The following ICA1L variants were observed in gnomAD, a reference collection of about 807,000 sequenced individuals.
ICA1L encodes the protein islet cell autoantigen 1 like.
Under a neutral mutation model 61.3 loss-of-function variants are expected in ICA1L, and 50 were observed. That is an observed-to-expected ratio of 0.82 (90% CI 0.65 to 1.03). The LOEUF is 1.03. ICA1L is among the 50% of genes least tolerant of loss of function. The pLI, the probability that ICA1L is intolerant of heterozygous loss-of-function variation, is 0.00. For synonymous variants in ICA1L, 161 were observed against 191.3 expected (o/e 0.84, Z 1.31); for missense variants, 508 against 556.7 (o/e 0.91, Z 0.88).
At chr2:202,860,526 G>A (rs1694882321) in intron 1 of ICA1L, among the ~76,000 whole-genome samples, 1 of 152,046 alleles carries the variant, frequency 6.6e-6, no homozygotes, top group Non-Finnish European at 1.5e-5. Context: ...GGCCGAGGCA[G>A]GCAGATCATG....
chr2:202,836,796 T>TATATATATAG (rs1470084697), intron 1 of ICA1L, among the ~76,000 whole-genome samples: 4 of 148,262 alleles, frequency 2.7e-5, no homozygotes, highest in African/African-American at 7.3e-5. Context: ...TGTGTATATC[T>TATATATATAG]ATATATATAG....
rs755984364 is a variant in ICA1L at position 202,821,424 on chromosome 2, T to G, written c.293A>C (p.Asp98Ala). ...GLFLKFQAER[D>A]ATQAGKMMDA... Reference sequence around the variant, plus strand: ...CATCATTTTGCCAGCTTGAGTTGCATCCCGTTCTGCTTGAAATTTTAAAAA... The same window carrying G: ...CATCATTTTGCCAGCTTGAGTTGCAGCCCGTTCTGCTTGAAATTTTAAAAA... The change falls in exon 4 of 13, where the codon GAT becomes GCT. Residue 98 changes from aspartate to alanine, a missense_variant. Physicochemically the swap from Asp to Ala is moderately radical, Grantham distance 126. Transcript: ENST00000358299. 3 of 1,613,464 alleles carry G rather than the reference T, an allele frequency of 1.9e-6. No homozygotes were observed. The highest frequency in any genetic ancestry group is 2.5e-6 in the Non-Finnish European group (3 of 1,179,734).
At chr2:202,868,407 A>G (rs531972590) in intron 1 of ICA1L, among the ~76,000 whole-genome samples, 1 of 152,348 alleles carries the variant, frequency 6.6e-6, no homozygotes, top group Admixed American at 6.5e-5. Context: ...TTGGAAAATG[A>G]TTAGCAGTTT....
chr2:202,816,741 T>C (rs1559136738), intron 6 of ICA1L, among the ~76,000 whole-genome samples: 1 of 152,228 alleles, frequency 6.6e-6, no homozygotes, highest in Non-Finnish European at 1.5e-5. Flanking sequence ...CTGTAGTTTA[T>C]TACTCTTTTC....
At chr2:202,793,428 G>A (rs150963625) in intron 10 of ICA1L, among the ~76,000 whole-genome samples, 2,062 of 148,176 alleles carry the variant, frequency 0.014, 36 homozygotes, top group African/African-American at 0.036. Context: ...AAGCTGAGGC[G>A]GGCGGATCAT....
intron 1 of ICA1L, among the ~76,000 whole-genome samples, chr2:202,847,695 T>TTTTATATATATATATATATA (rs1205116973): frequency 2.0e-5 from 2 of 102,228 alleles, no homozygotes; most frequent in African/African-American, 8.6e-5. Context: ...TATATGGGAA[T>TTTTATATATATATATATATA]TATATATATA....
chr2:202,844,664 C>A (rs1397162143), intron 1 of ICA1L: 1 of 152,194 alleles, frequency 6.6e-6, no homozygotes, highest in Non-Finnish European at 1.5e-5. Context: ...ACAAGCCACT[C>A]CTCCTCTAGA....
intron 1 of ICA1L, among the ~76,000 whole-genome samples, chr2:202,858,080 G>C (rs1158699028): frequency 1.3e-5 from 2 of 152,182 alleles, no homozygotes; most frequent in Admixed American, 1.3e-4. Context: ...CAAGGATCTA[G>C]AACCAGAAAT....
chr2:202,840,979 C>G (rs773304048), intron 1 of ICA1L: 4 of 681,252 alleles, frequency 5.9e-6, no homozygotes, highest in Non-Finnish European at 1.1e-5. Context: ...GCCATCTCCT[C>G]ATACTGCGCC....
intron 9 of ICA1L, among the ~76,000 whole-genome samples, chr2:202,798,315 A>G (rs1340188495): frequency 2.0e-5 from 3 of 151,922 alleles, no homozygotes; most frequent in African/African-American, 7.3e-5. Context: ...ACAGCCTCCA[A>G]CTCCCAGGCT....
intron 1 of ICA1L, among the ~76,000 whole-genome samples, chr2:202,866,615 T>C (rs543899126): frequency 6.6e-6 from 1 of 152,232 alleles, no homozygotes; most frequent in East Asian, 1.9e-4. Context: ...CAAAGAGTAA[T>C]TCAAAATGTG....
At chr2:202,786,942 A>G (rs539398760) in intron 11 of ICA1L, among the ~76,000 whole-genome samples, 1 of 152,354 alleles carries the variant, frequency 6.6e-6, no homozygotes, top group East Asian at 1.9e-4. Flanking sequence ...AAGGCACAGC[A>G]CTAGAAAGGA....
intron 1 of ICA1L, among the ~76,000 whole-genome samples, chr2:202,855,945 G>C (rs1694756454): frequency 6.6e-6 from 1 of 151,996 alleles, no homozygotes; most frequent in South Asian, 2.1e-4. Context: ...GTGGTGGCGG[G>C]TGACTGGAAC....
At chr2:202,827,443 CTTGA>C (rs897422417) in intron 2 of ICA1L, among the ~76,000 whole-genome samples, 12 of 151,782 alleles carry the variant, frequency 7.9e-5, no homozygotes, top group African/African-American at 2.9e-4. Flanking sequence ...AGTGACTATG[CTTGA>C]TTATTTTTTC....
intron 10 of ICA1L, among the ~76,000 whole-genome samples, chr2:202,793,496 A>T (rs1226884795): frequency 3.6e-4 from 9 of 24,802 alleles, no homozygotes; most frequent in East Asian, 1.5e-3. Flanking sequence ...GTCTCTACTA[A>T]AAAAAAAAAA....
At chr2:202,848,725 C>CAT (rs1388759975) in intron 1 of ICA1L, among the ~76,000 whole-genome samples, 1 of 152,162 alleles carries the variant, frequency 6.6e-6, no homozygotes, top group Non-Finnish European at 1.5e-5. Flanking sequence ...TGTATACATA[C>CAT]ATATATATTT....
At chr2:202,794,670 G>A (rs939013019) in intron 10 of ICA1L, among the ~76,000 whole-genome samples, 39 of 152,012 alleles carry the variant, frequency 2.6e-4, no homozygotes, top group African/African-American at 9.4e-4. Context: ...ACTAACATGC[G>A]AAAGTGAATA....
At chr2:202,821,239 T>C in intron 4 of ICA1L, 119 bp downstream of exon 4, 2 of 873,834 alleles carry the variant, frequency 2.3e-6, no homozygotes, top group East Asian at 5.5e-5. Context: ...CTGTGATATA[T>C]TTCTCTTTAA....
Position 202,779,523 on chromosome 2 carries a change from A to ATAACT in ICA1L, c.*5_*9dup. 1 of 1,499,740 alleles carries ATAACT rather than the reference A, an allele frequency of 6.7e-7. No homozygotes were observed. Among genetic ancestry groups the ATAACT allele is most frequent in the South Asian group, 1.2e-5 (1 of 86,570 alleles). 92.9% of individuals were successfully genotyped at this position (1,499,740 alleles called of 1,614,324 possible). A position where few individuals can be genotyped will look rare whatever the true frequency, so the allele number is the denominator to read the frequency against. On this transcript the variant is annotated 3_prime_UTR_variant, in exon 13 of 13. Coordinates refer to ENST00000358299, the MANE Select transcript of ICA1L (RefSeq NM_001288622.3). The stretch of plus-strand genomic sequence containing the variant: ...GTCTCAAGGCCACTGAAGTGACATT[A>ATAACT]TAACTTCAGTCAAGCATTAAGAAGT...
Sources: allele counts gnomAD v4.1 joint callset (sites outside exome capture counted in the v4.1 genomes callset), GRCh38; gene constraint gnomAD v4.1.1; transcripts MANE v1.5; gene names NCBI Gene and HGNC (gene_info 2026-07-23, HGNC 2026-07-21).